NEMP2: variants seen among roughly 807,000 people sequenced by gnomAD.
The protein encoded by NEMP2 is UPF0571 transmembrane protein.
NEMP2 carries 53 observed loss-of-function variants against 54.2 expected under a neutral mutation model. The ratio of observed to expected loss-of-function variants is 0.98; its 90% CI spans 0.78 to 1.23. The LOEUF (loss-of-function observed/expected upper bound fraction) is 1.23. NEMP2 is among the 50% of genes most tolerant of loss of function. NEMP2 has a pLI of 0.00. For missense variants in NEMP2, 455 were observed against 511.3 expected, an observed-to-expected ratio of 0.89 and a Z score of 1.06; for synonymous variants, 197 against 190.3, an observed-to-expected ratio of 1.04 and a Z score of -0.29.
At chr2:190,577,729 C>T in the NEMP2 span, among the ~76,000 whole-genome samples, 12 of 152,124 alleles carry the variant, frequency 7.9e-5, no homozygotes, top group South Asian at 6.2e-4. This position sits in a 1 kb window ranked among gnomAD's most constrained non-coding sequence, Gnocchi z 4.8. Context: ...TACAAAAAGC[C>T]GGGTGTGATG....
the NEMP2 span, chr2:190,624,917 A>G: frequency 1.3e-5 from 2 of 152,258 alleles, no homozygotes; most frequent in East Asian, 1.9e-4. Flanking sequence ...ACCACTTCAC[A>G]TCCATTAAAT....
At chr2:190,444,756 T>A in the NEMP2 span, 1 of 201,496 alleles carries the variant, frequency 5.0e-6, no homozygotes, top group Admixed American at 6.5e-5. Flanking sequence ...GTAACTTTAT[T>A]GTTACAGTTT....
chr2:190,605,347 T>A, the NEMP2 span, among the ~76,000 whole-genome samples: 4 of 150,902 alleles, frequency 2.7e-5, no homozygotes, highest in South Asian at 6.3e-4. Context: ...ACGTCTTTTT[T>A]TAATTTTTTT....
chr2:190,559,999 C>T, the NEMP2 span, among the ~76,000 whole-genome samples: 2 of 152,214 alleles, frequency 1.3e-5, no homozygotes, highest in African/African-American at 2.4e-5. The surrounding 1 kb of genome is among the most constrained non-coding windows in gnomAD (Gnocchi z 4.0). Flanking sequence ...TCCAAGCCTG[C>T]AGCTGATGCA....
rs909513132 is a variant in NEMP2, at chr2:190,530,881, G to A, written c.97+3678C>T. Among the ~76,000 whole-genome samples the A allele has an allele frequency of 1.3e-5, 2 of 152,262 alleles. No individual in the cohort carries two copies. Among genetic ancestry groups the A allele is most frequent in the South Asian group, 2.1e-4 (1 of 4,826 alleles). The stretch of plus-strand genomic sequence containing the variant: ...AACTCAAATGTATCAAAACAACAAC[G>A]GGCCAGGTGCTGAGGCTCATGCCTG... On this transcript the variant is annotated intron_variant, in intron 1 of 8. Coordinates refer to ENST00000409150, the MANE Select transcript of NEMP2 (RefSeq NM_001142645.2). This position sits in a 1 kb window ranked among gnomAD's most constrained non-coding sequence, Gnocchi z 4.6.
chr2:190,427,933 C>G, the NEMP2 span, among the ~76,000 whole-genome samples: 1 of 152,082 alleles, frequency 6.6e-6, no homozygotes, highest in East Asian at 1.9e-4. Context: ...GGTTTCACCA[C>G]GTTGATCAGA....
the NEMP2 span, among the ~76,000 whole-genome samples, chr2:190,433,913 G>A: frequency 6.6e-6 from 1 of 152,172 alleles, no homozygotes. The surrounding 1 kb of genome is among the most constrained non-coding windows in gnomAD (Gnocchi z 4.5). Context: ...AAAGGAGGCA[G>A]GGTGCAGTGG....
rs1024381749 is a variant in NEMP2 at position 190,513,794 on chromosome 2, T to G, written c.953+659A>C. Among the ~76,000 whole-genome samples, 1 of 152,216 alleles carries G rather than the reference T, an allele frequency of 6.6e-6. No individual in the cohort carries two copies. Among genetic ancestry groups the G allele is most frequent in the Non-Finnish European group, 1.5e-5 (1 of 68,038 alleles). On this transcript the variant is annotated intron_variant, in intron 7 of 8. Transcript: ENST00000409150. The surrounding 1 kb of genome is among the most constrained non-coding windows in gnomAD (Gnocchi z 5.3). ...GCTTTCTCTATATACCCTTAGTTCC[T>G]GGGCAAGTCTCCATTTTAATACTTA... is the stretch of plus-strand genomic sequence containing the variant.
At position 190,529,386 on chromosome 2, in the gene NEMP2, G is replaced by A. The variant is rs1022611581; in HGVS notation, c.98-4008C>T. ...GCCTTCCTGTCCTCAAGATGCCAGC[G>A]AGCCCCCACATAAAGTTTCCTCAGT... On this transcript the variant is annotated intron_variant, in intron 1 of 8. Coordinates refer to ENST00000409150, the MANE Select transcript of NEMP2 (RefSeq NM_001142645.2). This position sits in a 1 kb window ranked among gnomAD's most constrained non-coding sequence, Gnocchi z 4.7. Among the ~76,000 whole-genome samples, 2 of 151,840 alleles carry A rather than the reference G, an allele frequency of 1.3e-5. No individual in the cohort carries two copies. Among genetic ancestry groups the A allele is most frequent in the African/African-American group, 2.4e-5 (1 of 41,266 alleles).
chr2:190,430,738 G>A, the NEMP2 span, among the ~76,000 whole-genome samples: 66,837 of 149,298 alleles, frequency 0.45, 15,383 homozygotes, highest in Admixed American at 0.6. Context: ...CCCAGACGGG[G>A]TGGTGGCCAG....
At chr2:190,449,415 AGTGAGCCGAGATGGCACCACTGCACACCC>A in the NEMP2 span, among the ~76,000 whole-genome samples, 1 of 152,120 alleles carries the variant, frequency 6.6e-6, no homozygotes, top group East Asian at 1.9e-4. Context: ...TGGAGGTTGC[AGTGAGCCGAGATGGCACCACTGCACACCC>A]GCCTAGGTGA....
chr2:190,482,601 C>T, the NEMP2 span, among the ~76,000 whole-genome samples: 2 of 152,196 alleles, frequency 1.3e-5, no homozygotes, highest in Non-Finnish European at 2.9e-5. Context: ...CTCCTCCCAG[C>T]CATTATAATG....
At chr2:190,467,848 T>C in the NEMP2 span, among the ~76,000 whole-genome samples, 1 of 152,238 alleles carries the variant, frequency 6.6e-6, no homozygotes, top group Non-Finnish European at 1.5e-5. This position sits in a 1 kb window ranked among gnomAD's most constrained non-coding sequence, Gnocchi z 5.5. Context: ...AACATGGCCA[T>C]GCTCATTCAT....
rs1367539915 is a variant in NEMP2 at position 190,527,511 on chromosome 2, T to C, written c.98-2133A>G. 2.0e-5 allele frequency among the ~76,000 whole-genome samples: 3 copies of C among 152,218 alleles called. No individual in the cohort carries two copies. The highest frequency in any genetic ancestry group is 2.9e-5 in the Non-Finnish European group (2 of 68,042). On this transcript the variant is annotated intron_variant, in intron 1 of 8. Transcript: ENST00000409150. This position sits in a 1 kb window ranked among gnomAD's most constrained non-coding sequence, Gnocchi z 4.0. ...AACTGTGACAGTCAAATCAGTCATCTTTACTCTTCACATTATGATAAAATG... is the reference window on the plus strand; with the variant it reads ...AACTGTGACAGTCAAATCAGTCATCCTTACTCTTCACATTATGATAAAATG...
the NEMP2 span, among the ~76,000 whole-genome samples, chr2:190,616,232 A>G: frequency 6.6e-6 from 1 of 152,254 alleles, no homozygotes; most frequent in African/African-American, 2.4e-5. The surrounding 1 kb of genome is among the most constrained non-coding windows in gnomAD (Gnocchi z 5.1). Context: ...ACCCCAGCCC[A>G]GGGGCATGGG....
At position 190,529,668 on chromosome 2, in the gene NEMP2, T is replaced by C. The variant is rs1329376397; in HGVS notation, c.98-4290A>G. On this transcript the variant is annotated intron_variant, in intron 1 of 8. Coordinates refer to ENST00000409150, the MANE Select transcript of NEMP2 (RefSeq NM_001142645.2). This position sits in a 1 kb window ranked among gnomAD's most constrained non-coding sequence, Gnocchi z 4.7. ...CCCCAGAACTTAAATATTTATCTTTTGTGTGTAGCTTGTGGTTCAAGAGGA... is the reference window on the plus strand; with the variant it reads ...CCCCAGAACTTAAATATTTATCTTTCGTGTGTAGCTTGTGGTTCAAGAGGA... 2.0e-5 allele frequency among the ~76,000 whole-genome samples: 3 copies of C among 152,236 alleles called. No homozygotes were observed. The highest frequency in any genetic ancestry group is 4.4e-5 in the Non-Finnish European group (3 of 68,034).
At chr2:190,613,534 G>A in the NEMP2 span, among the ~76,000 whole-genome samples, 25 of 152,184 alleles carry the variant, frequency 1.6e-4, no homozygotes, top group East Asian at 3.3e-3. Context: ...ATCAATAAAT[G>A]CAAACAAAAA....
the NEMP2 span, among the ~76,000 whole-genome samples, chr2:190,476,295 T>C: frequency 6.6e-6 from 1 of 152,144 alleles, no homozygotes; most frequent in African/African-American, 2.4e-5. Flanking sequence ...AGAAAATTTT[T>C]GCAATCTACT....
At chr2:190,424,062 G>A in the NEMP2 span, among the ~76,000 whole-genome samples, 12 of 152,152 alleles carry the variant, frequency 7.9e-5, no homozygotes, top group Non-Finnish European at 1.8e-4. This position sits in a 1 kb window ranked among gnomAD's most constrained non-coding sequence, Gnocchi z 5.9. Flanking sequence ...TGGTTTCCAA[G>A]TATTTTCTCA....
Sources: allele counts gnomAD v4.1 joint callset (sites outside exome capture counted in the v4.1 genomes callset), GRCh38; gene constraint gnomAD v4.1.1; non-coding constraint Gnocchi (gnomAD v3.1); transcripts MANE v1.5; gene names NCBI Gene and HGNC (gene_info 2026-07-23, HGNC 2026-07-21).